The following TMPRSS11A variants were observed in gnomAD, a reference collection of about 807,000 sequenced individuals.
The protein encoded by TMPRSS11A is transmembrane protease serine 11A.
In TMPRSS11A, 53 loss-of-function variants were observed where a neutral mutation model predicts 58.9. That is an observed-to-expected ratio of 0.90 (90% confidence interval 0.72 to 1.13). TMPRSS11A has a LOEUF of 1.13. TMPRSS11A is among the 50% of genes most tolerant of loss of function. The probability of loss-of-function intolerance (pLI) is 0.00; values close to 1 mark genes in which losing one functional copy is unlikely to be tolerated. For missense variants in TMPRSS11A, 493 were observed against 499.3 expected (o/e 0.99, Z 0.12); for synonymous variants, 167 against 169.8 (o/e 0.98, Z 0.13).
chr4:67,953,499 T>TA (rs956983923), intron 1 of TMPRSS11A, among the ~76,000 whole-genome samples: 1 of 152,132 alleles, frequency 6.6e-6, no homozygotes, highest in African/African-American at 2.4e-5. Flanking sequence ...GGGATGGTGG[T>TA]AAAAAATTAT....
chr4:67,955,031 A>T (rs1309714097), intron 1 of TMPRSS11A, among the ~76,000 whole-genome samples: 1 of 152,218 alleles, frequency 6.6e-6, no homozygotes, highest in African/African-American at 2.4e-5. Flanking sequence ...TGAGCATTTT[A>T]GTGTGAGGAT....
At chr4:67,929,357 A>G (rs1720552120) in intron 5 of TMPRSS11A, among the ~76,000 whole-genome samples, 1 of 152,232 alleles carries the variant, frequency 6.6e-6, no homozygotes, top group Non-Finnish European at 1.5e-5. Context: ...AGTTTCAGTG[A>G]TGTTTTCCTA....
intron 7 of TMPRSS11A, among the ~76,000 whole-genome samples, chr4:67,920,549 A>ATATATATATATATATT (rs371252656): frequency 1.1e-4 from 15 of 130,894 alleles, no homozygotes; most frequent in South Asian, 4.9e-4. Flanking sequence ...ATATATATAT[A>ATATATATATATATATT]TTTTTTTTTA....
intron 9 of TMPRSS11A, among the ~76,000 whole-genome samples, chr4:67,911,746 C>T (rs574685013): frequency 1.4e-4 from 21 of 151,978 alleles, no homozygotes; most frequent in Admixed American, 2.0e-4. Flanking sequence ...AAGGCAAAAA[C>T]GAAAAAACAT....
intron 3 of TMPRSS11A, among the ~76,000 whole-genome samples, chr4:67,943,230 C>A (rs971083965): frequency 6.6e-6 from 1 of 152,164 alleles, no homozygotes; most frequent in African/African-American, 2.4e-5. Flanking sequence ...ACATGCACCT[C>A]CGCATTTCTC....
chr4:67,938,047 C>T (rs772894926), intron 3 of TMPRSS11A, among the ~76,000 whole-genome samples: 12 of 152,122 alleles, frequency 7.9e-5, no homozygotes, highest in South Asian at 2.1e-4. Flanking sequence ...CTCTTTCCTC[C>T]GCAGTCTCAT....
At chr4:67,939,919 C>T (rs982630780) in intron 3 of TMPRSS11A, among the ~76,000 whole-genome samples, 1 of 152,064 alleles carries the variant, frequency 6.6e-6, no homozygotes, top group Non-Finnish European at 1.5e-5. Flanking sequence ...GAACTTCTGA[C>T]CTCAGGTAAT....
chr4:67,928,866 G>T (rs1720540108), intron 5 of TMPRSS11A, among the ~76,000 whole-genome samples: 1 of 152,156 alleles, frequency 6.6e-6, no homozygotes, highest in Non-Finnish European at 1.5e-5. Flanking sequence ...TAACACTTAG[G>T]TCTGGTATCC....
At chr4:67,956,364 T>A (rs971601676) in intron 1 of TMPRSS11A, among the ~76,000 whole-genome samples, 1 of 152,190 alleles carries the variant, frequency 6.6e-6, no homozygotes, top group Non-Finnish European at 1.5e-5. Flanking sequence ...CAGATCACCT[T>A]GATAATGATG....
intron 2 of TMPRSS11A, 123 bp from the exon 3 acceptor site, chr4:67,944,760 T>TA (rs1720962537): frequency 4.0e-6 from 3 of 752,380 alleles, no homozygotes; most frequent in Non-Finnish European, 6.3e-6. Context: ...GAGTTTTATT[T>TA]AAAAAATAAC....
At chr4:67,913,834 AC>A (rs1461282234) in intron 9 of TMPRSS11A, among the ~76,000 whole-genome samples, 1 of 152,192 alleles carries the variant, frequency 6.6e-6, no homozygotes, top group African/African-American at 2.4e-5. Context: ...TGATATCAAT[AC>A]CATTCCATCA....
At chr4:67,960,211 G>T (rs1375061336) in intron 1 of TMPRSS11A, among the ~76,000 whole-genome samples, 5 of 152,164 alleles carry the variant, frequency 3.3e-5, no homozygotes, top group Non-Finnish European at 7.4e-5. Flanking sequence ...CCTATTGGGT[G>T]CTATGCCCAC....
intron 3 of TMPRSS11A, among the ~76,000 whole-genome samples, chr4:67,942,609 T>C (rs922022019): frequency 1.3e-5 from 2 of 152,228 alleles, no homozygotes; most frequent in African/African-American, 4.8e-5. Flanking sequence ...TGTGGGGACA[T>C]AGAAATCCTC....
chr4:67,934,098 A>G (rs1720694371), intron 3 of TMPRSS11A, among the ~76,000 whole-genome samples: 2 of 152,182 alleles, frequency 1.3e-5, no homozygotes, highest in East Asian at 1.9e-4. Flanking sequence ...TGGTGATCAC[A>G]ATAATAAAAA....
At chr4:67,958,718 T>TAG (rs566781530) in intron 1 of TMPRSS11A, among the ~76,000 whole-genome samples, 26 of 152,266 alleles carry the variant, frequency 1.7e-4, no homozygotes, top group Non-Finnish European at 3.1e-4. Flanking sequence ...TTTTAAAATG[T>TAG]GAGTACATGA....
intron 1 of TMPRSS11A, among the ~76,000 whole-genome samples, chr4:67,952,262 C>T (rs1560574309): frequency 6.6e-6 from 1 of 152,172 alleles, no homozygotes; most frequent in Non-Finnish European, 1.5e-5. Flanking sequence ...GAGTTAGAAC[C>T]TACTGTGTGG....
At chr4:67,930,322 A>T (rs1720580823) in intron 4 of TMPRSS11A, among the ~76,000 whole-genome samples, 1 of 152,250 alleles carries the variant, frequency 6.6e-6, no homozygotes, top group Non-Finnish European at 1.5e-5. Flanking sequence ...GAGAGTTAGA[A>T]GAAGCCTTCA....
Position 67,950,005 on chromosome 4 carries a change from A to AT in TMPRSS11A, c.12-3435dup, listed in dbSNP as rs561431177. On this transcript the variant is annotated intron_variant, in intron 1 of 9. Coordinates refer to ENST00000508048, the MANE Select transcript of TMPRSS11A (RefSeq NM_001114387.2). ...TAAAGATGCACCATTTTGCTCCTGC[A>AT]TTTTTTTGTGCTTTGCTTGTGCTGA... 3.0e-4 allele frequency among the ~76,000 whole-genome samples: 46 copies of AT among 152,294 alleles called. 1 individual carries two copies. The highest frequency in any genetic ancestry group is 1.1e-3 in the African/African-American group (45 of 41,556).
chr4:67,961,911 A>C (rs1258840424), intron 1 of TMPRSS11A, among the ~76,000 whole-genome samples: 1 of 152,120 alleles, frequency 6.6e-6, no homozygotes, highest in African/African-American at 2.4e-5. Context: ...AAACACTCCT[A>C]TAAATATATT....
Sources: gnomAD v4.1 joint callset for allele counts (sites outside exome capture counted in the v4.1 genomes callset) on GRCh38, gnomAD v4.1.1 for gene constraint, MANE v1.5 for transcripts, NCBI Gene and HGNC (gene_info 2026-07-23, HGNC 2026-07-21) for gene names.